Variants in LAMA2 observed in about 807,000 individuals in gnomAD.
The protein encoded by LAMA2 is laminin subunit alpha 2, also known as laminin subunit alpha-2.
A neutral mutation model predicts 364.8 loss-of-function variants in LAMA2; 269 were observed. The observed-to-expected ratio is 0.74, with a 90% CI of 0.67 to 0.82. LAMA2 has a LOEUF of 0.82. Ranked by LOEUF, LAMA2 falls within the 40% of genes least tolerant of loss-of-function variation. LAMA2 has a pLI of 0.00. For missense variants in LAMA2, 3,807 were observed against 3,873.2 expected (o/e 0.98, Z 0.45); for synonymous variants, 1,379 against 1,370.6 (o/e 1.01, Z -0.14).
chr6:129,278,291 A>G (rs1562407551), intron 17 of LAMA2, among the ~76,000 whole-genome samples: 1 of 152,226 alleles, frequency 6.6e-6, no homozygotes, highest in Non-Finnish European at 1.5e-5. Context: ...TTAGGATTAT[A>G]AAAAACAATT....
At chr6:129,514,767 C>A (rs538385528) in intron 64 of LAMA2, among the ~76,000 whole-genome samples, 172 bp downstream of exon 64, 2 of 152,174 alleles carry the variant, frequency 1.3e-5, no homozygotes, top group South Asian at 4.1e-4. Flanking sequence ...GTAAAATGAA[C>A]ATATTACTTA....
In LAMA2 at chr6:129,158,893, G is replaced by A. The variant is rs1779290903; in HGVS notation, c.1206+4210G>A. ...TGGCAAAGCAACGTCCATTAGTTAT[G>A]CATGTGTTATTAATAGCATCATCTG... is the stretch of plus-strand genomic sequence containing the variant. On this transcript the variant is annotated intron_variant, in intron 8 of 64. Coordinates refer to ENST00000421865, the MANE Select transcript of LAMA2 (RefSeq NM_000426.4). 1.9e-6 allele frequency: 3 copies of A among 1,610,206 alleles called. No homozygotes were observed. In the South Asian group the frequency reaches 3.3e-5, roughly 18 times the overall value.
chr6:128,883,355 G>T lies in LAMA2; in HGVS notation c.110G>T (p.Arg37Ile). 1 of 1,594,498 alleles carries T rather than the reference G, an allele frequency of 6.3e-7. No homozygotes were observed. The highest frequency in any genetic ancestry group is 2.3e-5 in the East Asian group (1 of 44,130). Residue 37 changes from arginine (R) to isoleucine (I), a missense_variant and splice_region_variant, in exon 1 of 65, where the codon AGA becomes ATA. By Grantham distance (97) the Arg-to-Ile change is moderately conservative. Around this residue, in one of 3 missense-constraint regions of LAMA2, gnomAD observed 394 missense variants for 403.5 expected, o/e 0.98. Transcript: ENST00000421865. The stretch of plus-strand genomic sequence containing the variant: ...CGGCAGTCACAGGCACATCAGCAAA[G>T]AGGTACAGTCGAGGCATGGGCTTGG... ...QQRQSQAHQQ[R>I]GLFPAVLNLA...
intron 40 of LAMA2, among the ~76,000 whole-genome samples, chr6:129,413,144 G>T (rs1780618628): frequency 6.6e-6 from 1 of 152,110 alleles, no homozygotes; most frequent in African/African-American, 2.4e-5. Context: ...CCAGAAGAAA[G>T]CTGGTATGCT....
chr6:129,302,765 A>G (rs1229913784), intron 22 of LAMA2, among the ~76,000 whole-genome samples: 2 of 152,080 alleles, frequency 1.3e-5, no homozygotes, highest in Non-Finnish European at 2.9e-5. Flanking sequence ...GTCAAAATCT[A>G]TCAACTATAT....
chr6:129,368,592 A>G (rs1309865502), intron 33 of LAMA2, among the ~76,000 whole-genome samples: 1 of 152,232 alleles, frequency 6.6e-6, no homozygotes, highest in Non-Finnish European at 1.5e-5. Flanking sequence ...GAAACATTTT[A>G]AAACTAATAC....
chr6:129,457,517 T>C (rs1165128821), intron 48 of LAMA2, among the ~76,000 whole-genome samples: 5 of 152,204 alleles, frequency 3.3e-5, no homozygotes, highest in Admixed American at 6.6e-5. Flanking sequence ...CCTTGGGCTT[T>C]GGTTATCTCA....
At chr6:129,294,433 T>C (rs1005813410) in intron 20 of LAMA2, among the ~76,000 whole-genome samples, 1 of 152,160 alleles carries the variant, frequency 6.6e-6, no homozygotes. Flanking sequence ...TCCTATCTAG[T>C]GAGGGCCCTC....
At chr6:129,464,006 A>G (rs761139735) in intron 49 of LAMA2, among the ~76,000 whole-genome samples, 8 of 151,944 alleles carry the variant, frequency 5.3e-5, no homozygotes, top group South Asian at 2.1e-4. Context: ...AGACACCCTT[A>G]AGCATCAATA....
At chr6:128,905,687 G>A (rs1777409199) in intron 1 of LAMA2, 1 of 150,820 alleles carries the variant, frequency 6.6e-6, no homozygotes, top group Non-Finnish European at 1.5e-5. Context: ...ACATTGTGCA[G>A]GTTAGTTACA....
chr6:129,219,882 A>G lies in LAMA2; in HGVS notation c.1782+27029A>G, dbSNP rs548957478. Among the ~76,000 whole-genome samples, 251 of 150,412 alleles carry G rather than the reference A, an allele frequency of 1.7e-3. 3 individuals are homozygous for G. The highest frequency in any genetic ancestry group is 1.9e-3 in the East Asian group (10 of 5,176). On this transcript the variant is annotated intron_variant, in intron 12 of 64. Transcript: ENST00000421865. The stretch of plus-strand genomic sequence containing the variant: ...TTAGGAGATGCTAAATGACGAGTTA[A>G]TGGGTGCAGCACACCAGCATGGCAC...
chr6:129,354,727 G>A (rs1777055580), intron 32 of LAMA2, among the ~76,000 whole-genome samples: 1 of 152,234 alleles, frequency 6.6e-6, no homozygotes, highest in South Asian at 2.1e-4. Context: ...AAAATCTGGG[G>A]TAGATAATAT....
chr6:129,062,137 T>C (rs1788963789), intron 3 of LAMA2, among the ~76,000 whole-genome samples: 1 of 152,218 alleles, frequency 6.6e-6, no homozygotes, highest in Non-Finnish European at 1.5e-5. Flanking sequence ...GAGACATGTT[T>C]ATAATACTTA....
intron 14 of LAMA2, among the ~76,000 whole-genome samples, chr6:129,255,094 C>G (rs910667056): frequency 6.6e-6 from 1 of 151,504 alleles, no homozygotes; most frequent in Non-Finnish European, 1.5e-5. Context: ...CTGCAGCTTA[C>G]TCAGCAATCA....
intron 40 of LAMA2, among the ~76,000 whole-genome samples, chr6:129,405,597 G>T (rs1268893420): frequency 6.6e-6 from 1 of 152,052 alleles, no homozygotes; most frequent in Non-Finnish European, 1.5e-5. Context: ...CAAAATAAGT[G>T]CTATAGAGAA....
chr6:129,195,095 C>CT (rs759365767), intron 12 of LAMA2, among the ~76,000 whole-genome samples: 1 of 152,252 alleles, frequency 6.6e-6, no homozygotes, highest in East Asian at 1.9e-4. Flanking sequence ...CCTTCCTCTG[C>CT]TTTTTTAGTG....
chr6:129,423,493 T>C (rs1464610533), intron 40 of LAMA2, among the ~76,000 whole-genome samples: 1 of 151,918 alleles, frequency 6.6e-6, no homozygotes, highest in Non-Finnish European at 1.5e-5. Context: ...AGTTTGAGAC[T>C]AGCTGGGCAA....
At chr6:129,278,799 A>C (rs1431262307) in intron 17 of LAMA2, among the ~76,000 whole-genome samples, 1 of 152,132 alleles carries the variant, frequency 6.6e-6, no homozygotes, top group African/African-American at 2.4e-5. Flanking sequence ...CTTTCCACTG[A>C]GTTGAAATGT....
chr6:129,211,394 A>G (rs1783091849), intron 12 of LAMA2, among the ~76,000 whole-genome samples: 1 of 152,192 alleles, frequency 6.6e-6, no homozygotes, highest in Non-Finnish European at 1.5e-5. Flanking sequence ...TTCTACCTCC[A>G]ACCTCCCTCC....
Sources: gnomAD v4.1 joint callset for allele counts (sites outside exome capture counted in the v4.1 genomes callset) on GRCh38, gnomAD v4.1.1 for gene constraint, gnomAD v4.1.1 regional missense constraint, MANE v1.5 for transcripts, NCBI Gene and HGNC (gene_info 2026-07-23, HGNC 2026-07-21) for gene names.